COL4A3: variants seen among roughly 807,000 people sequenced by gnomAD.
COL4A3 encodes the protein collagen alpha-3(IV) chain.
Under a neutral mutation model 217.4 loss-of-function variants are expected in COL4A3, and 135 were observed. The observed-to-expected ratio is 0.62, with a 90% CI of 0.54 to 0.72. COL4A3 has a LOEUF of 0.72. COL4A3 is among the 30% of genes least tolerant of loss of function. COL4A3 has a pLI of 0.00. For missense variants in COL4A3, 1,868 were observed against 2,119.9 expected (o/e 0.88, Z 2.33); for synonymous variants, 690 against 736.3 (o/e 0.94, Z 1.02).
At chr2:227,215,184 C>T (rs1209608601) in intron 1 of COL4A3, among the ~76,000 whole-genome samples, 3 of 151,686 alleles carry the variant, frequency 2.0e-5, no homozygotes, top group Non-Finnish European at 4.4e-5. Flanking sequence ...AAGTCATTAT[C>T]GTTTTTCCCT....
intron 33 of COL4A3, 139 bp from the exon 34 acceptor site, chr2:227,284,071 GA>G (rs2072163231): frequency 8.3e-7 from 1 of 1,211,066 alleles, no homozygotes; most frequent in Non-Finnish European, 1.2e-6. Flanking sequence ...CCTGCCTGGG[GA>G]AACTATTTAT....
At chr2:227,189,179 T>A (rs1285865670) in intron 1 of COL4A3, among the ~76,000 whole-genome samples, 1 of 152,158 alleles carries the variant, frequency 6.6e-6, no homozygotes, top group Non-Finnish European at 1.5e-5. Context: ...GGCTCCATCC[T>A]GTAGTGTCAT....
intron 48 of COL4A3, among the ~76,000 whole-genome samples, chr2:227,308,477 G>A (rs987451565): frequency 6.6e-6 from 1 of 152,198 alleles, no homozygotes; most frequent in Admixed American, 6.6e-5. Flanking sequence ...GCCTCCCAAA[G>A]TGCTGGGATT....
intron 43 of COL4A3, among the ~76,000 whole-genome samples, 161 bp downstream of exon 43, chr2:227,298,973 G>T (rs1451114517): frequency 1.3e-5 from 2 of 152,116 alleles, no homozygotes; most frequent in Admixed American, 6.5e-5. Context: ...TATAAAAGAG[G>T]TTTAATTGAC....
intron 1 of COL4A3, among the ~76,000 whole-genome samples, chr2:227,233,321 C>A (rs1027887833): frequency 6.7e-5 from 9 of 133,784 alleles, no homozygotes; most frequent in Admixed American, 6.5e-4. Context: ...CCCCTACAAG[C>A]AATTGGCCTG....
In COL4A3 at chr2:227,247,719, T is replaced by C. The variant is rs755818136; in HGVS notation, c.468+135T>C. The C allele has an allele frequency of 1.1e-5, 10 of 933,884 alleles. 1 individual carries two copies. The highest frequency in any genetic ancestry group is 4.6e-4 in the Middle Eastern group (2 of 4,364). 57.8% of individuals were successfully genotyped at this position (933,884 alleles called of 1,614,324 possible). ...GACCTTAATCATTCAGAAACAATAATAATCGGGACATGATATTTATTCCTA... is the reference window on the plus strand; with the variant it reads ...GACCTTAATCATTCAGAAACAATAACAATCGGGACATGATATTTATTCCTA... On this transcript the variant is annotated intron_variant, in intron 8 of 51. Transcript: ENST00000396578.
intron 1 of COL4A3, among the ~76,000 whole-genome samples, chr2:227,227,212 C>T (rs527284851): frequency 1.1e-3 from 167 of 152,290 alleles, no homozygotes; most frequent in Non-Finnish European, 1.8e-3. Flanking sequence ...TGGGATTTTA[C>T]GTCCCATCAT....
intron 51 of COL4A3, 40 bp downstream of exon 51, chr2:227,310,988 G>A (rs766536910): frequency 1.2e-6 from 2 of 1,608,284 alleles, no homozygotes; most frequent in Non-Finnish European, 1.7e-6. Context: ...TGACTCAATT[G>A]CAGAACTATT....
At chr2:227,233,255 C>T (rs549026202) in intron 1 of COL4A3, among the ~76,000 whole-genome samples, 1 of 152,178 alleles carries the variant, frequency 6.6e-6, no homozygotes, top group Non-Finnish European at 1.5e-5. Flanking sequence ...TCCAGTGATC[C>T]ACCAGCCACT....
chr2:227,239,712 C>T (rs191301305), intron 2 of COL4A3, among the ~76,000 whole-genome samples: 34 of 152,314 alleles, frequency 2.2e-4, no homozygotes, highest in African/African-American at 6.3e-4. Context: ...TGCCTGGTGG[C>T]GTTCTTTCAA....
Position 227,266,469 on chromosome 2 carries a change from T to G in COL4A3, c.1368T>G (p.Tyr456Ter). ...CTGGAGATCACGGACTGCCAGGCTA[T>G]CTAGGGTCTCCAGGAATCCCAGGAG... ...GPPGDHGLPGYLGSPGIPGVD... is the reference protein window; with the variant it reads ...GPPGDHGLPG The change falls in exon 22 of 52, where the codon TAT (tyrosine) becomes TAG (stop). Residue 456 changes from tyrosine to a stop codon, truncating the protein, a stop_gained. Coordinates refer to ENST00000396578, the MANE Select transcript of COL4A3 (RefSeq NM_000091.5). LOFTEE classifies it high-confidence loss of function. The G allele has an allele frequency of 6.2e-7, 1 of 1,614,066 alleles. No individual in the cohort carries two copies. Among genetic ancestry groups the G allele is most frequent in the Non-Finnish European group, 8.5e-7 (1 of 1,179,984 alleles).
intron 1 of COL4A3, among the ~76,000 whole-genome samples, chr2:227,236,234 TGACTTATTTTCC>T (rs2068690732): frequency 6.6e-6 from 1 of 152,254 alleles, no homozygotes; most frequent in South Asian, 2.1e-4. Context: ...TTTCGTATAA[TGACTTATTTTCC>T]TCTGGGTAGA....
In COL4A3 at chr2:227,240,074, G is replaced by A; in HGVS notation, c.145-69G>A. On this transcript the variant is annotated intron_variant, in intron 2 of 51. Coordinates refer to ENST00000396578, the MANE Select transcript of COL4A3 (RefSeq NM_000091.5). ...AAGTCATAAACAAGAGAACATAATG[G>A]TTATTGGTGTGTTTATTGTGGGATA... 4 of 1,216,488 alleles carry A rather than the reference G, an allele frequency of 3.3e-6. No individual in the cohort carries two copies. The South Asian group carries it at 3.9e-5, about 12-fold the overall frequency. The allele number at this position is 1,216,488 out of a possible 1,614,324, so 75.4% of individuals were successfully genotyped here. A position where few individuals can be genotyped will look rare whatever the true frequency, so the allele number is the denominator to read the frequency against.
intron 1 of COL4A3, among the ~76,000 whole-genome samples, chr2:227,215,441 T>G (rs1347836125): frequency 6.6e-6 from 1 of 152,134 alleles, no homozygotes; most frequent in Non-Finnish European, 1.5e-5. Context: ...CCGTATGTGC[T>G]TGTTGTTTTT....
At chr2:227,256,189 C>A in intron 16 of COL4A3, 119 bp downstream of exon 16, 1 of 1,205,438 alleles carries the variant, frequency 8.3e-7, no homozygotes. Flanking sequence ...CTTTTAAAAA[C>A]TGCATTTGGG....
chr2:227,214,350 G>C (rs561744132), intron 1 of COL4A3, among the ~76,000 whole-genome samples: 1 of 152,172 alleles, frequency 6.6e-6, no homozygotes, highest in Non-Finnish European at 1.5e-5. Flanking sequence ...ATAACTGTGA[G>C]TATATCAGAC....
At chr2:227,228,221 G>A (rs1203443226) in intron 1 of COL4A3, among the ~76,000 whole-genome samples, 2 of 152,212 alleles carry the variant, frequency 1.3e-5, no homozygotes, top group African/African-American at 4.8e-5. Flanking sequence ...TCAGGGCGGG[G>A]CAGGCGGGGG....
rs370644850 is a variant in COL4A3, at chr2:227,229,820, G to A, written c.88-8148G>A. Reference sequence around the variant, plus strand: ...TCCCAGCACTGTGGGAGGCCAAGGTGAGTGGATCACGAGGTCAGGAGATCG... The same window carrying A: ...TCCCAGCACTGTGGGAGGCCAAGGTAAGTGGATCACGAGGTCAGGAGATCG... On this transcript the variant is annotated intron_variant, in intron 1 of 51. Transcript: ENST00000396578. 3.6e-3 allele frequency among the ~76,000 whole-genome samples: 551 copies of A among 152,248 alleles called. 2 individuals carry two copies. The highest frequency in any genetic ancestry group is 0.013 in the African/African-American group (521 of 41,546).
intron 28 of COL4A3, chr2:227,279,495 T>C: frequency 2.6e-6 from 1 of 381,364 alleles, no homozygotes; most frequent in South Asian, 2.9e-5. Flanking sequence ...GTACACTGTA[T>C]GTAAAAAATA....
Sources: gnomAD v4.1 joint callset for allele counts (sites outside exome capture counted in the v4.1 genomes callset) on GRCh38, gnomAD v4.1.1 for gene constraint, MANE v1.5 for transcripts, NCBI Gene and HGNC (gene_info 2026-07-23, HGNC 2026-07-21) for gene names.